KLHL18: variants seen among roughly 807,000 people sequenced by gnomAD.
KLHL18 encodes kelch like family member 18.
Under a neutral mutation model 58.5 loss-of-function variants are expected in KLHL18, and 38 were observed. The observed-to-expected ratio is 0.65, with a 90% CI of 0.50 to 0.85. The LOEUF is 0.85. KLHL18 is among the 40% of genes least tolerant of loss of function. The pLI, the probability that KLHL18 is intolerant of heterozygous loss-of-function variation, is 0.00. For missense variants in KLHL18, 624 were observed against 778.4 expected (o/e 0.80, Z 2.36); for synonymous variants, 303 against 301.9 (o/e 1.00, Z -0.04).
At chr3:47,332,218 A>T (rs778706061) in intron 4 of KLHL18, among the ~76,000 whole-genome samples, 1 of 151,992 alleles carries the variant, frequency 6.6e-6, no homozygotes, top group Non-Finnish European at 1.5e-5. Context: ...GGCCTGGTCC[A>T]GCTTAAACTC....
chr3:47,311,734 T>C (rs1450271849), intron 1 of KLHL18, among the ~76,000 whole-genome samples: 1 of 152,160 alleles, frequency 6.6e-6, no homozygotes, highest in Non-Finnish European at 1.5e-5. Context: ...AGTTACAACA[T>C]ATGAACATAT....
rs564327292 is a variant in KLHL18 at position 47,336,447 on chromosome 3, C to T, written c.899-88C>T. 555 of 1,150,160 alleles carry T rather than the reference C, an allele frequency of 4.8e-4. 1 individual carries two copies. Among genetic ancestry groups the T allele is most frequent in the Non-Finnish European group, 6.5e-4 (518 of 796,662 alleles). The allele number at this position is 1,150,160 out of a possible 1,614,324, so 71.2% of individuals were successfully genotyped here. ...GTGGGAAGAGCTAATAGAATTGAGT[C>T]GAATGTTCCATATAATCAATGCCCA... On this transcript the variant is annotated intron_variant, in intron 6 of 9. Coordinates refer to ENST00000232766, the MANE Select transcript of KLHL18 (RefSeq NM_025010.5).
intron 1 of KLHL18, among the ~76,000 whole-genome samples, chr3:47,285,176 T>C (rs976289585): frequency 2.0e-5 from 3 of 152,208 alleles, no homozygotes; most frequent in Non-Finnish European, 4.4e-5. Context: ...TGAAGTGATC[T>C]GAGAAGGCGT....
At chr3:47,337,903 C>T (rs1326204145) in intron 7 of KLHL18, 1 of 152,232 alleles carries the variant, frequency 6.6e-6, no homozygotes, top group African/African-American at 2.4e-5. Context: ...GTCAGCTGTC[C>T]TTCCTTGTGT....
At chr3:47,290,249 T>C (rs1389140830) in intron 1 of KLHL18, among the ~76,000 whole-genome samples, 1 of 152,222 alleles carries the variant, frequency 6.6e-6, no homozygotes, top group East Asian at 1.9e-4. Flanking sequence ...GGCAAAGATG[T>C]GAATGTCCAG....
rs957740012 is a variant in KLHL18, at chr3:47,345,763, C to T, written c.*1822C>T. 1.3e-5 allele frequency: 2 copies of T among 152,596 alleles called. No individual in the cohort carries two copies. Among genetic ancestry groups the T allele is most frequent in the Non-Finnish European group, 2.9e-5 (2 of 68,058 alleles). The allele number at this position is 152,596 out of a possible 1,614,324, so 9.5% of individuals were successfully genotyped here. A position where few individuals can be genotyped will look rare whatever the true frequency, so the allele number is the denominator to read the frequency against. On this transcript the variant is annotated 3_prime_UTR_variant, in exon 10 of 10. Coordinates refer to ENST00000232766, the MANE Select transcript of KLHL18 (RefSeq NM_025010.5). The stretch of plus-strand genomic sequence containing the variant: ...GCCTGGAAGCCTGTTCAGAAAGGCA[C>T]AATGTGGAGCCTGGGGTGTCTCCCC...
chr3:47,311,177 T>C (rs1031351692), intron 1 of KLHL18, among the ~76,000 whole-genome samples: 1 of 151,990 alleles, frequency 6.6e-6, no homozygotes, highest in Non-Finnish European at 1.5e-5. Context: ...GCCCGGCTAA[T>C]TTTTTGTATT....
At chr3:47,296,940 G>A (rs1702908464) in intron 1 of KLHL18, among the ~76,000 whole-genome samples, 1 of 152,196 alleles carries the variant, frequency 6.6e-6, no homozygotes, top group Non-Finnish European at 1.5e-5. Flanking sequence ...AGTGGTTCCT[G>A]AGGACTCTGC....
intron 1 of KLHL18, among the ~76,000 whole-genome samples, chr3:47,286,305 A>G (rs1576126527): frequency 6.6e-6 from 1 of 152,296 alleles, no homozygotes; most frequent in African/African-American, 2.4e-5. Context: ...GGACCGGGGA[A>G]AGAGCATGCA....
chr3:47,333,440 G>A, intron 5 of KLHL18, 123 bp downstream of exon 5: 8 of 949,920 alleles, frequency 8.4e-6, no homozygotes, highest in South Asian at 1.8e-5. Context: ...ATGGCACACA[G>A]ATTGGTCTGC....
At chr3:47,338,350 A>G (rs1412636903) in intron 7 of KLHL18, 1 of 152,112 alleles carries the variant, frequency 6.6e-6, no homozygotes, top group South Asian at 2.1e-4. Flanking sequence ...TGTAATTTTT[A>G]TGTTTGTTTT....
intron 4 of KLHL18, among the ~76,000 whole-genome samples, chr3:47,330,746 T>A (rs1455791729): frequency 6.6e-6 from 1 of 152,206 alleles, no homozygotes; most frequent in Non-Finnish European, 1.5e-5. Context: ...TTGTTGTTTT[T>A]TTGAGTCAGA....
chr3:47,326,931 GA>G (rs967876480), intron 3 of KLHL18, among the ~76,000 whole-genome samples: 73 of 138,868 alleles, frequency 5.3e-4, no homozygotes, highest in African/African-American at 1.1e-3. Flanking sequence ...CAAAAAAAAA[GA>G]AAAAAAAAAA....
intron 1 of KLHL18, among the ~76,000 whole-genome samples, chr3:47,309,847 G>GA (rs1231937339): frequency 6.6e-6 from 1 of 152,164 alleles, no homozygotes; most frequent in Non-Finnish European, 1.5e-5. Context: ...AAAAAATAAC[G>GA]AAAACCAGTC....
intron 1 of KLHL18, among the ~76,000 whole-genome samples, chr3:47,292,342 C>T (rs1448961311): frequency 4.0e-5 from 6 of 151,342 alleles, no homozygotes; most frequent in Admixed American, 6.6e-5. Context: ...GGCGTGGTGT[C>T]GCATGCCTGT....
chr3:47,313,802 C>T (rs1703360887), intron 1 of KLHL18, among the ~76,000 whole-genome samples: 1 of 152,148 alleles, frequency 6.6e-6, no homozygotes, highest in African/African-American at 2.4e-5. Flanking sequence ...CCACCAGTAA[C>T]AACCTAAGCA....
At chr3:47,342,660 T>A in intron 8 of KLHL18, 59 bp from the exon 9 acceptor site, 6 of 1,428,136 alleles carry the variant, frequency 4.2e-6, no homozygotes, top group Non-Finnish European at 5.9e-6. Flanking sequence ...TAGGCTGTCT[T>A]GAGGGAACAA....
intron 4 of KLHL18, 44 bp downstream of exon 4, chr3:47,330,193 T>A (rs1703823972): frequency 6.5e-7 from 1 of 1,535,312 alleles, no homozygotes; most frequent in Non-Finnish European, 9.0e-7. Context: ...CATGAGATGC[T>A]GCTCTTTATA....
At chr3:47,295,956 C>G (rs1702887843) in intron 1 of KLHL18, among the ~76,000 whole-genome samples, 1 of 152,164 alleles carries the variant, frequency 6.6e-6, no homozygotes, top group African/African-American at 2.4e-5. Flanking sequence ...GAAGTCCCAT[C>G]TCTCTGAAGA....
Sources: gnomAD v4.1 joint callset for allele counts (sites outside exome capture counted in the v4.1 genomes callset) on GRCh38, gnomAD v4.1.1 for gene constraint, MANE v1.5 for transcripts, NCBI Gene and HGNC (gene_info 2026-07-23, HGNC 2026-07-21) for gene names.